Variants in SPAG16 observed in about 807,000 individuals in gnomAD.
The protein encoded by SPAG16 is sperm-associated antigen 16 protein.
In SPAG16, 86 loss-of-function variants were observed where a neutral mutation model predicts 80.4. The ratio of observed to expected loss-of-function variants is 1.07; its 90% CI spans 0.90 to 1.28. The LOEUF (loss-of-function observed/expected upper bound fraction) is 1.28. Ranked by LOEUF, SPAG16 falls within the 50% of genes most tolerant of loss-of-function variation. SPAG16 has a pLI of 0.00. For missense variants in SPAG16, 870 were observed against 765.3 expected, an observed-to-expected ratio of 1.14 and a Z score of -1.61; for synonymous variants, 294 against 265.9, an observed-to-expected ratio of 1.11 and a Z score of -1.03.
At chr2:213,318,120 A>T (rs959192881) in intron 5 of SPAG16, 1 of 151,936 alleles carries the variant, frequency 6.6e-6, no homozygotes, top group Non-Finnish European at 1.5e-5. Flanking sequence ...GTGTAAGATG[A>T]TATCTCATTG....
intron 15 of SPAG16, among the ~76,000 whole-genome samples, chr2:214,337,721 G>A (rs1697396224): frequency 6.6e-6 from 1 of 152,186 alleles, no homozygotes; most frequent in Non-Finnish European, 1.5e-5. Flanking sequence ...TCTGCATTAA[G>A]GGATATTACG....
chr2:214,383,648 G>T lies in SPAG16; in HGVS notation c.1721-26492G>T, dbSNP rs537091461. Among the ~76,000 whole-genome samples the T allele has an allele frequency of 7.2e-5, 11 of 152,168 alleles. No individual in the cohort carries two copies. The South Asian group carries it at 2.3e-3, about 32-fold the overall frequency. On this transcript the variant is annotated intron_variant, in intron 15 of 15. Transcript: ENST00000331683. ...AAATGTATTTAATGAGGATAACAAG[G>T]TGTTTAGAGGAAAGACCATTCCGGC... is the stretch of plus-strand genomic sequence containing the variant.
At chr2:214,361,652 G>T (rs1023626718) in intron 15 of SPAG16, among the ~76,000 whole-genome samples, 1 of 151,818 alleles carries the variant, frequency 6.6e-6, no homozygotes, top group African/African-American at 2.4e-5. Flanking sequence ...TTTTTAACTT[G>T]TAAATTTAGA....
chr2:213,376,665 C>T (rs2066897253), intron 9 of SPAG16, among the ~76,000 whole-genome samples: 1 of 151,946 alleles, frequency 6.6e-6, no homozygotes, highest in African/African-American at 2.4e-5. Context: ...GCATTTAGAG[C>T]ACTTTACTGA....
chr2:214,244,973 C>T (rs114669917), intron 15 of SPAG16, among the ~76,000 whole-genome samples: 3,235 of 152,242 alleles, frequency 0.021, 76 homozygotes, highest in African/African-American at 0.055. Context: ...TTCTTAACTA[C>T]ATTTCCAAAC....
Position 214,125,045 on chromosome 2 carries a change from C to CT in SPAG16, c.1593+16793dup, listed in dbSNP as rs771394603. On this transcript the variant is annotated intron_variant, in intron 14 of 15. Coordinates refer to ENST00000331683, the MANE Select transcript of SPAG16 (RefSeq NM_024532.5). ...CCATTCAAGTTTTTATATATGTTTT[C>CT]TTTTTTTTTAAGATTTAGCAAATAT... Among the ~76,000 whole-genome samples the CT allele has an allele frequency of 2.7e-3, 411 of 150,612 alleles. 5 individuals are homozygous for CT. The highest frequency in any genetic ancestry group is 4.2e-3 in the Non-Finnish European group (284 of 67,618).
chr2:213,393,999 G>A (rs80071303), intron 9 of SPAG16, among the ~76,000 whole-genome samples: 2,947 of 151,934 alleles, frequency 0.019, 99 homozygotes, highest in African/African-American at 0.067. Context: ...CTATTAATGC[G>A]GATATCTTGC....
chr2:213,885,071 A>G (rs946568952), intron 11 of SPAG16, among the ~76,000 whole-genome samples: 14 of 152,130 alleles, frequency 9.2e-5, no homozygotes, highest in African/African-American at 3.1e-4. Context: ...GTCTTTATGA[A>G]TTACCAGAGT....
chr2:213,331,507 A>C (rs548215308), intron 5 of SPAG16, among the ~76,000 whole-genome samples: 16 of 152,368 alleles, frequency 1.1e-4, no homozygotes, highest in African/African-American at 3.8e-4. Context: ...AGTCTTCAAC[A>C]TCCCATTTTC....
At chr2:214,107,633 A>C (rs1356148942) in intron 13 of SPAG16, among the ~76,000 whole-genome samples, 1 of 152,212 alleles carries the variant, frequency 6.6e-6, no homozygotes, top group Non-Finnish European at 1.5e-5. Context: ...AGTTAAATTG[A>C]ATGAATAGAT....
At chr2:214,207,245 A>T (rs904859137) in intron 15 of SPAG16, among the ~76,000 whole-genome samples, 2 of 152,162 alleles carry the variant, frequency 1.3e-5, no homozygotes, top group Admixed American at 1.3e-4. Flanking sequence ...GGGTCCACCC[A>T]GTTCAGGTGC....
At chr2:213,371,437 ATTGG>A (rs1330686069) in intron 8 of SPAG16, among the ~76,000 whole-genome samples, 28 of 142,620 alleles carry the variant, frequency 2.0e-4, no homozygotes, top group African/African-American at 6.6e-4. Flanking sequence ...AAGACGATTT[ATTGG>A]TTAAGTGGTT....
At position 213,297,260 on chromosome 2, in the gene SPAG16, A is replaced by G. The variant is rs1451574542; in HGVS notation, c.184-2A>G. The G allele has an allele frequency of 1.9e-6, 3 of 1,603,700 alleles. No homozygotes were observed. The highest frequency in any genetic ancestry group is 1.7e-5 in the Admixed American group (1 of 59,432). Reference sequence around the variant, plus strand: ...CTATCCTTCTCTTTCTCTGTGATCTAGATACCAGATGACAATTTTAGCATC... The same window carrying G: ...CTATCCTTCTCTTTCTCTGTGATCTGGATACCAGATGACAATTTTAGCATC... On this transcript the variant is annotated splice_acceptor_variant, in intron 2 of 15. Coordinates refer to ENST00000331683, the MANE Select transcript of SPAG16 (RefSeq NM_024532.5). LOFTEE classifies it high-confidence loss of function.
rs182116726 is a variant in SPAG16 at position 214,405,658 on chromosome 2, G to A, written c.1721-4482G>A. 4.1e-3 allele frequency among the ~76,000 whole-genome samples: 630 copies of A among 152,198 alleles called. 8 individuals are homozygous for A. Among genetic ancestry groups the A allele is most frequent in the African/African-American group, 0.014 (570 of 41,528 alleles). On this transcript the variant is annotated intron_variant, in intron 15 of 15. Transcript: ENST00000331683. ...TAAAAATACAAAAAATTAGCTGGCC[G>A]TGGTGGCAGGCATCTATAATCCCAG... is the stretch of plus-strand genomic sequence containing the variant.
chr2:213,888,315 A>T (rs4672691), intron 11 of SPAG16, among the ~76,000 whole-genome samples: 13 of 150,914 alleles, frequency 8.6e-5, no homozygotes, highest in Non-Finnish European at 1.6e-4. Flanking sequence ...TATAAGTTAG[A>T]GCATTCAGAG....
chr2:213,961,002 C>T (rs999104377), intron 12 of SPAG16, among the ~76,000 whole-genome samples: 1 of 152,088 alleles, frequency 6.6e-6, no homozygotes, highest in Non-Finnish European at 1.5e-5. Context: ...ACAAGCTGCT[C>T]CAGGAACATG....
intron 10 of SPAG16, among the ~76,000 whole-genome samples, chr2:213,690,263 A>G (rs2064882276): frequency 6.6e-6 from 1 of 152,190 alleles, no homozygotes; most frequent in Non-Finnish European, 1.5e-5. Flanking sequence ...TGGAATTGAT[A>G]AAAGACAGAT....
intron 10 of SPAG16, among the ~76,000 whole-genome samples, chr2:213,573,101 C>CA (rs1173766304): frequency 6.6e-6 from 1 of 152,188 alleles, no homozygotes; most frequent in Non-Finnish European, 1.5e-5. Flanking sequence ...TTGGCTCACG[C>CA]ACGGTGCGCG....
rs775841690 is a variant in SPAG16, at chr2:213,284,466, G to T, written c.-18G>T. The stretch of plus-strand genomic sequence containing the variant: ...ACGGCTGTGGGCCTGCTGGGGGTGG[G>T]GGCCCGAAGCGCCAGAGATGGCTGC... On this transcript the variant is annotated 5_prime_UTR_variant, in exon 1 of 16. Coordinates refer to ENST00000331683, the MANE Select transcript of SPAG16 (RefSeq NM_024532.5). The T allele has an allele frequency of 6.4e-7, 1 of 1,555,302 alleles. No homozygotes were observed. Among genetic ancestry groups the T allele is most frequent in the Non-Finnish European group, 8.7e-7 (1 of 1,150,638 alleles).
Sources: allele counts gnomAD v4.1 joint callset (sites outside exome capture counted in the v4.1 genomes callset), GRCh38; gene constraint gnomAD v4.1.1; transcripts MANE v1.5; gene names NCBI Gene and HGNC (gene_info 2026-07-23, HGNC 2026-07-21).